Variants in KIN observed in about 807,000 individuals in gnomAD.
KIN encodes DNA/RNA-binding protein KIN17.
KIN carries 47 observed loss-of-function variants against 63.0 expected under a neutral mutation model. The ratio of observed to expected loss-of-function variants is 0.75; its 90% confidence interval spans 0.59 to 0.95. The LOEUF (loss-of-function observed/expected upper bound fraction) is 0.95, where lower values mean the gene tolerates loss of function less well. KIN is among the 40% of genes least tolerant of loss of function. The probability of loss-of-function intolerance (pLI) is 0.00; values close to 1 mark genes in which losing one functional copy is unlikely to be tolerated. For synonymous variants in KIN, 160 were observed against 157.7 expected (o/e 1.01, Z -0.11); for missense variants, 408 against 460.9 (o/e 0.89, Z 1.05).
rs185880055 is a variant in KIN at position 7,771,666 on chromosome 10, G to A, written c.669-2321C>T. Among the ~76,000 whole-genome samples, 74 of 152,282 alleles carry A rather than the reference G, an allele frequency of 4.9e-4. No homozygotes were observed. The East Asian group carries it at 0.012, about 25-fold the overall frequency. ...CCGGCACTTTGGGAGGCTGAGACAG[G>A]TGGATCATTTGAGGTCAGGAGTTTG... is the stretch of plus-strand genomic sequence containing the variant. On this transcript the variant is annotated intron_variant, in intron 7 of 12. Coordinates refer to ENST00000379562, the MANE Select transcript of KIN (RefSeq NM_012311.4).
At position 7,779,625 on chromosome 10, in the gene KIN, A is replaced by G. The variant is rs561066715; in HGVS notation, c.376+431T>C. Among the ~76,000 whole-genome samples, 47 of 152,316 alleles carry G rather than the reference A, an allele frequency of 3.1e-4. No homozygotes were observed. The South Asian group carries it at 8.7e-3, about 28-fold the overall frequency. The stretch of plus-strand genomic sequence containing the variant: ...TTTTTCCTTCCCATTTTTCCCTAAC[A>G]ATAGAGTATAAAAACTATTTACATT... On this transcript the variant is annotated intron_variant, in intron 4 of 12. Transcript: ENST00000379562.
chr10:7,781,587 T>TACACACACACACACACACACACAC (rs3036327), intron 2 of KIN, among the ~76,000 whole-genome samples: 6 of 140,720 alleles, frequency 4.3e-5, no homozygotes, highest in East Asian at 2.1e-4. Flanking sequence ...ACCCTGTCTC[T>TACACACACACACACACACACACAC]ACACACACAC....
intron 7 of KIN, among the ~76,000 whole-genome samples, chr10:7,770,087 C>T (rs957563362): frequency 6.6e-5 from 10 of 152,148 alleles, no homozygotes; most frequent in African/African-American, 1.4e-4. Flanking sequence ...GCCACCACCA[C>T]GCTGGGCTAA....
intron 2 of KIN, 30 bp from the exon 3 acceptor site, chr10:7,780,337 G>C: frequency 6.4e-7 from 1 of 1,558,858 alleles, no homozygotes. Flanking sequence ...AAGCATTAAG[G>C]TAATTTCTAC....
chr10:7,760,145 T>A (rs1250916773), intron 11 of KIN, among the ~76,000 whole-genome samples, 155 bp from the exon 12 acceptor site: 1 of 152,164 alleles, frequency 6.6e-6, no homozygotes, highest in African/African-American at 2.4e-5. Context: ...GTGTAGTATT[T>A]TAGTGCGGTG....
In KIN at chr10:7,787,864, G is replaced by A. The variant is rs750268820; in HGVS notation, c.70C>T (p.Leu24=). The A allele has an allele frequency of 1.1e-5, 18 of 1,614,094 alleles. No individual in the cohort carries two copies. In the South Asian group the frequency reaches 1.6e-4, roughly 15 times the overall value. ...TGGCACATCTGGCAATACCAGCGTAGCTTCTGCAGCCCCTTGGACTTGATC... is the reference window on the plus strand; with the variant it reads ...TGGCACATCTGGCAATACCAGCGTAACTTCTGCAGCCCCTTGGACTTGATC... ...NRIKSKGLQK[L]RWYCQMCQKQ... Residue 24 remains leucine, a synonymous_variant, in exon 1 of 13, where the codon CTA becomes TTA. Coordinates refer to ENST00000379562, the MANE Select transcript of KIN (RefSeq NM_012311.4).
intron 1 of KIN, among the ~76,000 whole-genome samples, chr10:7,786,106 C>G (rs1835998260): frequency 6.6e-6 from 1 of 152,106 alleles, no homozygotes; most frequent in Non-Finnish European, 1.5e-5. Flanking sequence ...AATATAACAC[C>G]TCGTTGCAGG....
At chr10:7,763,306 T>A (rs890499743) in intron 10 of KIN, among the ~76,000 whole-genome samples, 11 of 152,160 alleles carry the variant, frequency 7.2e-5, no homozygotes, top group Non-Finnish European at 1.5e-5. Context: ...AAAGACAGTT[T>A]CTCAAGCAAA....
intron 6 of KIN, 62 bp downstream of exon 6, chr10:7,775,689 T>C (rs1479980634): frequency 1.1e-6 from 1 of 876,872 alleles, no homozygotes; most frequent in Non-Finnish European, 1.7e-6. Context: ...AGTTGCATTT[T>C]TAACAAAGCC....
rs999018937 is a variant in KIN at position 7,756,093 on chromosome 10, G to T, written c.1169C>A (p.Ser390Tyr). The change falls in exon 13 of 13, where the codon TCT becomes TAT. Residue 390 changes from serine (S) to tyrosine (Y), a missense_variant. Ser to Tyr is a moderately radical substitution (Grantham distance 144, BLOSUM62 -2). This residue lies in a region of KIN where 298 missense variants were observed against 296.0 expected (regional missense o/e 1.01). Transcript: ENST00000379562. ...RVEGIQYEDI[S>Y]KLA Reference sequence around the variant, plus strand: ...AAATTTTCAAACTCAGGCAAGTTTAGAAATGTCTTCATATTGAATTCCTTC... The same window carrying T: ...AAATTTTCAAACTCAGGCAAGTTTATAAATGTCTTCATATTGAATTCCTTC... 2 of 1,585,192 alleles carry T rather than the reference G, an allele frequency of 1.3e-6. No homozygotes were observed. Among genetic ancestry groups the T allele is most frequent in the Non-Finnish European group, 1.7e-6 (2 of 1,164,868 alleles).
chr10:7,759,932 G>T lies in KIN; in HGVS notation c.1077C>A (p.Ser359=). Residue 359 remains serine (S), a synonymous_variant, in exon 12 of 13, where the codon TCC becomes TCA. Transcript: ENST00000379562. ...GYRGNEGTLE[S]INEKTFSATI... ...TAGCTGAAAAAGTCTTCTCATTGAT[G>T]GATTCTAGGGTACCTTCATTTCCTC... The T allele has an allele frequency of 6.3e-7, 1 of 1,575,258 alleles. No individual in the cohort carries two copies. Among genetic ancestry groups the T allele is most frequent in the Non-Finnish European group, 8.6e-7 (1 of 1,158,074 alleles).
chr10:7,781,146 T>C (rs1183223257), intron 2 of KIN, among the ~76,000 whole-genome samples: 1 of 152,162 alleles, frequency 6.6e-6, no homozygotes, highest in Non-Finnish European at 1.5e-5. Context: ...AAAATACCAT[T>C]GAAAGAGTCA....
At chr10:7,776,229 CA>C (rs66884181) in intron 5 of KIN, among the ~76,000 whole-genome samples, 30,749 of 112,778 alleles carry the variant, frequency 0.27, 4,014 homozygotes, top group East Asian at 0.55. Context: ...GACTCCATCT[CA>C]AAAAAAAAAA....
intron 12 of KIN, among the ~76,000 whole-genome samples, chr10:7,759,142 A>G (rs1835390325): frequency 6.6e-6 from 1 of 152,196 alleles, no homozygotes; most frequent in Admixed American, 6.5e-5. Flanking sequence ...TAAACTCTCT[A>G]AGTGAGCTAT....
intron 11 of KIN, among the ~76,000 whole-genome samples, chr10:7,761,955 C>T (rs1446525784): frequency 5.3e-5 from 8 of 151,944 alleles, no homozygotes; most frequent in Admixed American, 3.3e-4. Context: ...AAGTCAAGAT[C>T]GTGCCGCCAC....
intron 7 of KIN, among the ~76,000 whole-genome samples, chr10:7,771,891 G>A (rs1279165681): frequency 8.8e-6 from 1 of 113,440 alleles, no homozygotes; most frequent in African/African-American, 3.6e-5. Context: ...GCGAAATTCC[G>A]TCTCAAAAAA....
intron 5 of KIN, among the ~76,000 whole-genome samples, chr10:7,777,053 CAAA>C (rs60757813): frequency 0.027 from 2,142 of 80,718 alleles, 40 homozygotes; most frequent in African/African-American, 0.099. Flanking sequence ...GACAGTCTCT[CAAA>C]AAAAAAAAAA....
chr10:7,779,949 A>C, intron 4 of KIN, 107 bp downstream of exon 4: 1 of 1,146,780 alleles, frequency 8.7e-7, no homozygotes, highest in Non-Finnish European at 1.2e-6. Flanking sequence ...CACGATGAAA[A>C]AGCAAAACAC....
chr10:7,751,370 C>T lies in KIN; in HGVS notation c.*4710G>A, dbSNP rs1835242229. ...CATATTTGAAAAAGCAAGTGAGCTC[C>T]TCTAAACCTAATTGCAAAATCTTAA... On this transcript the variant is annotated 3_prime_UTR_variant, in exon 13 of 13. Coordinates refer to ENST00000379562, the MANE Select transcript of KIN (RefSeq NM_012311.4). The T allele has an allele frequency of 6.6e-6, 1 of 152,132 alleles. No individual in the cohort carries two copies. Among genetic ancestry groups the T allele is most frequent in the Non-Finnish European group, 1.5e-5 (1 of 68,044 alleles). The allele number at this position is 152,132 out of a possible 1,614,324, so 9.4% of individuals were successfully genotyped here.
Sources: allele counts gnomAD v4.1 joint callset (sites outside exome capture counted in the v4.1 genomes callset), GRCh38; gene constraint gnomAD v4.1.1; regional missense constraint gnomAD v4.1.1; transcripts MANE v1.5; gene names NCBI Gene and HGNC (gene_info 2026-07-23, HGNC 2026-07-21).